The following RUNX3 variants were observed in gnomAD, a reference collection of about 807,000 sequenced individuals.
RUNX3 encodes the protein runt-related transcription factor 3.
Under a neutral mutation model 27.7 loss-of-function variants are expected in RUNX3, and 10 were observed. The ratio of observed to expected loss-of-function variants is 0.36; its 90% confidence interval spans 0.22 to 0.61. RUNX3 has a LOEUF of 0.61. Among genes scored for constraint, RUNX3 ranks in the 20% least tolerant of loss-of-function variants. RUNX3 has a pLI of 0.72. For missense variants in RUNX3, 469 were observed against 629.5 expected, an observed-to-expected ratio of 0.75 and a Z score of 2.73; for synonymous variants, 270 against 269.2, an observed-to-expected ratio of 1.00 and a Z score of -0.03.
At position 24,937,988 on chromosome 1, in the gene RUNX3, C is replaced by T. The variant is rs4648886; in HGVS notation, c.59-8136G>A. 2.2e-4 allele frequency among the ~76,000 whole-genome samples: 34 copies of T among 152,336 alleles called. 1 individual carries two copies. The highest frequency in any genetic ancestry group is 4.1e-4 in the South Asian group (2 of 4,828). ...CCTTGTGTCTTCTTCCACTCTTTCA[C>T]GCTGCAGTTTTCCTCTGCCACCCTC... is the stretch of plus-strand genomic sequence containing the variant. On this transcript the variant is annotated intron_variant, in intron 2 of 6. Coordinates refer to the RUNX3 transcript ENST00000338888.
chr1:24,958,990 G>T (rs891832064), intron 2 of RUNX3, among the ~76,000 whole-genome samples: 7 of 152,234 alleles, frequency 4.6e-5, no homozygotes, highest in Admixed American at 1.3e-4. Context: ...CCAGAGCCCA[G>T]GCCTGTTTCC....
chr1:24,964,856 TC>T, exon 1 of RUNX3: 1 of 635,458 alleles, frequency 1.6e-6, no homozygotes, highest in Non-Finnish European at 2.5e-6. Context: ...GGATTCCCGG[TC>T]CCACAGGAAT....
In RUNX3 at chr1:24,902,419, C is replaced by T; in HGVS notation, c.951G>A (p.Gln317=). The change falls in exon 5 of 5, where the codon CAG becomes CAA. Residue 317 remains glutamine (Q), a synonymous_variant. Coordinates refer to ENST00000308873, the MANE Select transcript of RUNX3 (RefSeq NM_004350.3). The surrounding 1 kb of genome is among the most constrained non-coding windows in gnomAD (Gnocchi z 9.2). ...TGGCCTGGAAGGGCCCGCTCTGGTT[C>T]TGCGGGGCCCCCGGGTAGGGTGGCG... ...YLPPPYPGAP[Q]NQSGPFQANP... The T allele has an allele frequency of 6.2e-7, 1 of 1,611,892 alleles. No homozygotes were observed.
In RUNX3 at chr1:24,948,145, A is replaced by G. The variant is rs1214207532; in HGVS notation, c.58+16369T>C. Among the ~76,000 whole-genome samples, 3 of 152,314 alleles carry G rather than the reference A, an allele frequency of 2.0e-5. No homozygotes were observed. The East Asian group carries it at 5.8e-4, about 29-fold the overall frequency. ...CACCCAGTGGACAGGAGCTCGTGGC[A>G]GGTGTCTGGGGACCCCCAGGAAGAG... On this transcript the variant is annotated intron_variant, in intron 2 of 6. Coordinates refer to the RUNX3 transcript ENST00000338888.
At chr1:24,924,573 G>A (rs1641064105) in intron 2 of RUNX3, among the ~76,000 whole-genome samples, 1 of 151,748 alleles carries the variant, frequency 6.6e-6, no homozygotes, top group African/African-American at 2.4e-5. Flanking sequence ...GGTTCAGATT[G>A]AGCCCTGCCA....
At chr1:24,925,719 T>C (rs1221834433) in intron 2 of RUNX3, among the ~76,000 whole-genome samples, 1 of 152,142 alleles carries the variant, frequency 6.6e-6, no homozygotes, top group Non-Finnish European at 1.5e-5. Flanking sequence ...CTCAGATCAC[T>C]TCCTGCCTCC....
upstream of RUNX3, chr1:24,964,996 G>A (rs80256975): frequency 0.032 from 8,064 of 250,884 alleles, 649 homozygotes; most frequent in African/African-American, 0.17. Flanking sequence ...CCAGTGCCAC[G>A]GGGAATGAAT....
Position 24,904,515 on chromosome 1 carries a change from G to T in RUNX3, c.704-1849C>A, listed in dbSNP as rs972835913. Among the ~76,000 whole-genome samples the T allele has an allele frequency of 3.9e-5, 6 of 152,194 alleles. No individual in the cohort carries two copies. The highest frequency in any genetic ancestry group is 1.2e-4 in the African/African-American group (5 of 41,448). On this transcript the variant is annotated intron_variant, in intron 4 of 4. Coordinates refer to ENST00000308873, the MANE Select transcript of RUNX3 (RefSeq NM_004350.3). The surrounding 1 kb of genome is among the most constrained non-coding windows in gnomAD (Gnocchi z 5.7). ...CCGAGAGCCTCCGAGGCACCTGGCT[G>T]CCAGTTTTCATCTGGGGAGCCCCTC...
In RUNX3 at chr1:24,962,146, T is replaced by A. The variant is rs1478976355; in HGVS notation, c.58+2368A>T. The A allele has an allele frequency of 6.6e-6, 1 of 152,198 alleles. No homozygotes were observed. The highest frequency in any genetic ancestry group is 1.5e-5 in the Non-Finnish European group (1 of 68,040). The allele number at this position is 152,198 out of a possible 1,614,324, so 9.4% of individuals were successfully genotyped here. A position where few individuals can be genotyped will look rare whatever the true frequency, so the allele number is the denominator to read the frequency against. On this transcript the variant is annotated intron_variant, in intron 2 of 6. Transcript: ENST00000338888. This position sits in a 1 kb window ranked among gnomAD's most constrained non-coding sequence, Gnocchi z 4.5. ...GGTCAGGGATGACCTGAAATATTGT[T>A]CATGCTCATCACAACTGCATGGCCC...
Position 24,950,469 on chromosome 1 carries a change from G to A in RUNX3, c.58+14045C>T, listed in dbSNP as rs1490825940. 4.6e-5 allele frequency among the ~76,000 whole-genome samples: 7 copies of A among 152,190 alleles called. No individual in the cohort carries two copies. In the South Asian group the frequency reaches 8.3e-4, roughly 18 times the overall value. On this transcript the variant is annotated intron_variant, in intron 2 of 6. Coordinates refer to the RUNX3 transcript ENST00000338888. The stretch of plus-strand genomic sequence containing the variant: ...CAGGCATGCTGCACTAGCCCATCAG[G>A]CTTCATTTACAACACACTAATTCAG...
chr1:24,902,575 G>A lies in RUNX3; in HGVS notation c.795C>T (p.Asp265=). The change falls in exon 5 of 5, where the codon GAC becomes GAT. Residue 265 remains aspartate, a synonymous_variant. Coordinates refer to ENST00000308873, the MANE Select transcript of RUNX3 (RefSeq NM_004350.3). This position sits in a 1 kb window ranked among gnomAD's most constrained non-coding sequence, Gnocchi z 9.2. ...TGGCCCCGGGATAATGCATCCTGGG[G>A]TCTGGGAAGCGGCTCTCCGTGAGGG... ...LPTLTESRFP[D]PRMHYPGAMS... is the part of the protein sequence containing the mutation. 6.4e-7 allele frequency: 1 copy of A among 1,572,708 alleles called. No individual in the cohort carries two copies. The highest frequency in any genetic ancestry group is 8.7e-7 in the Non-Finnish European group (1 of 1,153,564).
At chr1:24,908,616 A>G (rs1295448358) in intron 3 of RUNX3, among the ~76,000 whole-genome samples, 1 of 152,196 alleles carries the variant, frequency 6.6e-6, no homozygotes, top group Non-Finnish European at 1.5e-5. Context: ...CAGTGAGCTG[A>G]TTGTACCACT....
At chr1:24,941,442 C>T (rs912854755) in intron 2 of RUNX3, among the ~76,000 whole-genome samples, 2 of 152,176 alleles carry the variant, frequency 1.3e-5, no homozygotes, top group Non-Finnish European at 2.9e-5. Context: ...GTTGAATCCC[C>T]GGAGCCACTT....
At chr1:24,935,450 G>A (rs752184310) in intron 2 of RUNX3, among the ~76,000 whole-genome samples, 1 of 152,168 alleles carries the variant, frequency 6.6e-6, no homozygotes, top group Non-Finnish European at 1.5e-5. Flanking sequence ...ATCCTTCCAC[G>A]CCCATCCCCA....
At chr1:24,908,208 C>A (rs546180651) in intron 3 of RUNX3, among the ~76,000 whole-genome samples, 1 of 144,338 alleles carries the variant, frequency 6.9e-6, no homozygotes, top group East Asian at 2.0e-4. Flanking sequence ...CGAACCTCTA[C>A]GACACGCGGT....
intron 1 of RUNX3, chr1:24,928,736 G>C (rs1266625095): frequency 4.7e-6 from 1 of 211,386 alleles, no homozygotes; most frequent in Non-Finnish European, 9.8e-6. Flanking sequence ...GATGTCACCC[G>C]GGAGACCTCA....
In RUNX3 at chr1:24,953,155, A is replaced by C. The variant is rs548727058; in HGVS notation, c.58+11359T>G. ...GCTGAGGCGGGCGGATCACGAGGTC[A>C]GGAGATCGAGACCATCCTGGCTAAC... On this transcript the variant is annotated intron_variant, in intron 2 of 6. Transcript: ENST00000338888. Among the ~76,000 whole-genome samples, 6 of 152,218 alleles carry C rather than the reference A, an allele frequency of 3.9e-5. No individual in the cohort carries two copies. In the East Asian group the frequency reaches 9.6e-4, roughly 24 times the overall value.
chr1:24,946,957 G>A (rs1641623638), intron 2 of RUNX3, among the ~76,000 whole-genome samples: 1 of 152,184 alleles, frequency 6.6e-6, no homozygotes, highest in Non-Finnish European at 1.5e-5. Context: ...AGGCCCAGAT[G>A]CTTAGTTCCA....
At chr1:24,912,019 G>A (rs113598900) in intron 3 of RUNX3, among the ~76,000 whole-genome samples, 4 of 152,354 alleles carry the variant, frequency 2.6e-5, no homozygotes, top group African/African-American at 7.2e-5. Flanking sequence ...TGGCCAGGGC[G>A]CCAGAGAGTC....
Sources: gnomAD v4.1 joint callset for allele counts (sites outside exome capture counted in the v4.1 genomes callset) on GRCh38, gnomAD v4.1.1 for gene constraint, Gnocchi (gnomAD v3.1) non-coding constraint, MANE v1.5 for transcripts, NCBI Gene and HGNC (gene_info 2026-07-23, HGNC 2026-07-21) for gene names.